The following PARD3B variants were observed in gnomAD, a reference collection of about 807,000 sequenced individuals.
The protein encoded by PARD3B is par-3 family cell polarity regulator beta.
PARD3B carries 103 observed loss-of-function variants against 130.2 expected under a neutral mutation model. That is an observed-to-expected ratio of 0.79 (90% CI 0.67 to 0.93). The LOEUF (loss-of-function observed/expected upper bound fraction) is 0.93. Ranked by LOEUF, PARD3B falls within the 40% of genes least tolerant of loss-of-function variation. The probability of loss-of-function intolerance (pLI) is 0.00; values close to 1 mark genes in which losing one functional copy is unlikely to be tolerated. For synonymous variants in PARD3B, 583 were observed against 553.2 expected, an observed-to-expected ratio of 1.05 and a Z score of -0.76; for missense variants, 1,609 against 1,499.2, an observed-to-expected ratio of 1.07 and a Z score of -1.21.
intron 2 of PARD3B, among the ~76,000 whole-genome samples, chr2:204,865,514 CT>C (rs1256834018): frequency 5.9e-5 from 9 of 152,132 alleles, no homozygotes; most frequent in Admixed American, 5.9e-4. Flanking sequence ...GACCATTATT[CT>C]AAGTGAAGTA....
At chr2:204,736,931 C>T (rs6723155) in intron 2 of PARD3B, among the ~76,000 whole-genome samples, 4,194 of 152,252 alleles carry the variant, frequency 0.028, 182 homozygotes, top group African/African-American at 0.096. Context: ...CACATCCACA[C>T]CATTATCTAT....
Position 205,301,140 on chromosome 2 carries a change from AC to A in PARD3B, c.2393-321del. On this transcript the variant is annotated intron_variant, in intron 17 of 22. Transcript: ENST00000406610. This position sits in a 1 kb window ranked among gnomAD's most constrained non-coding sequence, Gnocchi z 5.2. ...ATTTTGTACTCAAAACTCTCTTCTC[AC>A]CCTGTTTGTTTCCCAGCATGCAGGC... Among the ~76,000 whole-genome samples the A allele has an allele frequency of 6.6e-6, 1 of 152,250 alleles. No homozygotes were observed. The highest frequency in any genetic ancestry group is 1.9e-4 in the East Asian group (1 of 5,172).
chr2:204,788,227 T>C (rs1207702043), intron 2 of PARD3B, among the ~76,000 whole-genome samples: 1 of 152,174 alleles, frequency 6.6e-6, no homozygotes, highest in Non-Finnish European at 1.5e-5. Flanking sequence ...GTGGCTGAGA[T>C]ACGCTGATAC....
At position 205,591,467 on chromosome 2, in the gene PARD3B, A is replaced by G. The variant is rs1310616454; in HGVS notation, c.3261-23989A>G. Among the ~76,000 whole-genome samples the G allele has an allele frequency of 6.6e-6, 1 of 152,202 alleles. No homozygotes were observed. The highest frequency in any genetic ancestry group is 6.5e-5 in the Admixed American group (1 of 15,286). ...CCATTATCAGTCACTTACCACACCCATGCACCATGCTGAGTGCTTTACAGA... is the reference window on the plus strand; with the variant it reads ...CCATTATCAGTCACTTACCACACCCGTGCACCATGCTGAGTGCTTTACAGA... On this transcript the variant is annotated intron_variant, in intron 22 of 22. Coordinates refer to ENST00000406610, the MANE Select transcript of PARD3B (RefSeq NM_001302769.2). This position sits in a 1 kb window ranked among gnomAD's most constrained non-coding sequence, Gnocchi z 4.2.
intron 19 of PARD3B, among the ~76,000 whole-genome samples, chr2:205,424,393 T>C (rs951480127): frequency 6.6e-6 from 1 of 152,170 alleles, no homozygotes; most frequent in African/African-American, 2.4e-5. Context: ...CCAGAGTTCA[T>C]TTAATGAAGA....
At chr2:205,371,910 T>TG (rs1338011039) in intron 18 of PARD3B, among the ~76,000 whole-genome samples, 2 of 152,180 alleles carry the variant, frequency 1.3e-5, no homozygotes, top group Non-Finnish European at 2.9e-5. Flanking sequence ...TTATGTACCA[T>TG]GGGGTCTTTG....
At chr2:205,400,839 T>C (rs2046226437) in intron 18 of PARD3B, among the ~76,000 whole-genome samples, 174 bp from the exon 19 acceptor site, 1 of 152,162 alleles carries the variant, frequency 6.6e-6, no homozygotes, top group African/African-American at 2.4e-5. Context: ...AATTTCATAA[T>C]GGCATTATTT....
chr2:205,582,335 G>A (rs372324524), intron 22 of PARD3B, among the ~76,000 whole-genome samples: 2 of 152,086 alleles, frequency 1.3e-5, no homozygotes, highest in African/African-American at 2.4e-5. Flanking sequence ...GAGAAATAAC[G>A]AACGGAAACA....
At chr2:205,025,909 C>T (rs1165014279) in intron 3 of PARD3B, among the ~76,000 whole-genome samples, 2 of 152,152 alleles carry the variant, frequency 1.3e-5, no homozygotes, top group Non-Finnish European at 2.9e-5. Context: ...GGTTGAGACC[C>T]ACTTGCATTT....
At chr2:204,819,596 C>T (rs916495971) in intron 2 of PARD3B, among the ~76,000 whole-genome samples, 6 of 152,096 alleles carry the variant, frequency 3.9e-5, no homozygotes, top group Admixed American at 3.9e-4. Flanking sequence ...AAATCAAAAG[C>T]TAAAAATGAT....
At chr2:204,900,809 A>T (rs1231272337) in intron 2 of PARD3B, among the ~76,000 whole-genome samples, 1 of 152,132 alleles carries the variant, frequency 6.6e-6, no homozygotes, top group Non-Finnish European at 1.5e-5. Flanking sequence ...TTGTAATCTA[A>T]GTTTTTGGTC....
chr2:204,998,428 A>G (rs1282970423), intron 3 of PARD3B, among the ~76,000 whole-genome samples: 3 of 16,020 alleles, frequency 1.9e-4, no homozygotes, highest in South Asian at 5.2e-3. Flanking sequence ...ATATATGTGT[A>G]TATATATGTG....
intron 18 of PARD3B, among the ~76,000 whole-genome samples, chr2:205,337,612 T>G (rs968394010): frequency 7.9e-5 from 12 of 152,232 alleles, no homozygotes; most frequent in African/African-American, 2.9e-4. Flanking sequence ...AAGGTCCTTT[T>G]GGTTTGCATA....
At chr2:204,933,774 T>C (rs1302326463) in intron 2 of PARD3B, among the ~76,000 whole-genome samples, 1 of 152,152 alleles carries the variant, frequency 6.6e-6, no homozygotes, top group Non-Finnish European at 1.5e-5. Flanking sequence ...TCACTTCAAG[T>C]TACTTCTCTC....
In PARD3B at chr2:205,276,360, C is replaced by T. The variant is rs559468862; in HGVS notation, c.2186-24170C>T. On this transcript the variant is annotated intron_variant, in intron 16 of 22. Coordinates refer to ENST00000406610, the MANE Select transcript of PARD3B (RefSeq NM_001302769.2). The surrounding 1 kb of genome is among the most constrained non-coding windows in gnomAD (Gnocchi z 5.0). ...CACGAAATCTCAAAGACCTCCAGTT[C>T]CTTGGTATTTATACAGCATTTGTGG... 6.6e-6 allele frequency among the ~76,000 whole-genome samples: 1 copy of T among 152,216 alleles called. No homozygotes were observed. Among genetic ancestry groups the T allele is most frequent in the South Asian group, 2.1e-4 (1 of 4,816 alleles).
intron 19 of PARD3B, among the ~76,000 whole-genome samples, chr2:205,404,017 T>TATC (rs1235421261): frequency 6.6e-6 from 1 of 152,132 alleles, no homozygotes; most frequent in African/African-American, 2.4e-5. Context: ...ACAAAAGCAA[T>TATC]ATCAGTTCAT....
chr2:204,991,919 G>C (rs1045756748), intron 3 of PARD3B, among the ~76,000 whole-genome samples: 9 of 150,326 alleles, frequency 6.0e-5, no homozygotes, highest in Non-Finnish European at 1.2e-4. Context: ...CTTTTTGATG[G>C]GGTTGTTTGT....
chr2:205,440,723 A>G lies in PARD3B; in HGVS notation c.3044+51A>G. 4 of 1,531,972 alleles carry G rather than the reference A, an allele frequency of 2.6e-6. No homozygotes were observed. Among genetic ancestry groups the G allele is most frequent in the Non-Finnish European group, 3.6e-6 (4 of 1,113,690 alleles). The allele number at this position is 1,531,972 out of a possible 1,614,324, so 94.9% of individuals were successfully genotyped here. ...GTAGCTTTAATTCAGTATGTTTCAA[A>G]TCATCTCTACTGCTGAAACCGATAA... On this transcript the variant is annotated intron_variant, in intron 20 of 22. Transcript: ENST00000406610. This position sits in a 1 kb window ranked among gnomAD's most constrained non-coding sequence, Gnocchi z 4.2.
intron 10 of PARD3B, among the ~76,000 whole-genome samples, chr2:205,141,832 T>C (rs1241536808): frequency 6.6e-6 from 1 of 152,228 alleles, no homozygotes; most frequent in African/African-American, 2.4e-5. Context: ...GATGGTATTA[T>C]AAAGTATTGA....
Sources: gnomAD v4.1 joint callset for allele counts (sites outside exome capture counted in the v4.1 genomes callset) on GRCh38, gnomAD v4.1.1 for gene constraint, Gnocchi (gnomAD v3.1) non-coding constraint, MANE v1.5 for transcripts, NCBI Gene and HGNC (gene_info 2026-07-23, HGNC 2026-07-21) for gene names.